The following CDK5RAP1 variants were observed in gnomAD, a reference collection of about 807,000 sequenced individuals.
CDK5RAP1 encodes mitochondrial tRNA methylthiotransferase CDK5RAP1.
In CDK5RAP1, 62 loss-of-function variants were observed where a neutral mutation model predicts 64.5. That is an observed-to-expected ratio of 0.96 (90% CI 0.78 to 1.19). The LOEUF is 1.19. Among genes scored for constraint, CDK5RAP1 ranks in the 50% most tolerant of loss-of-function variants. CDK5RAP1 has a pLI of 0.00. For synonymous variants in CDK5RAP1, 250 were observed against 261.9 expected, an observed-to-expected ratio of 0.95 and a Z score of 0.44; for missense variants, 657 against 735.0, an observed-to-expected ratio of 0.89 and a Z score of 1.23.
Position 33,379,487 on chromosome 20 carries a change from G to A in CDK5RAP1, c.1081C>T (p.Pro361Ser), listed in dbSNP as rs1986472028. 6.2e-7 allele frequency: 1 copy of A among 1,613,498 alleles called. No individual in the cohort carries two copies. The highest frequency in any genetic ancestry group is 1.1e-5 in the South Asian group (1 of 91,064). Reference protein sequence around the residue: ...DPEMRIRFTSPHPKDFPDEVL... With the variant: ...DPEMRIRFTSSHPKDFPDEVL... ...TCATCAGGAAAATCCTTGGGGTGGG[G>A]AGAGGTAAAACGGATCCTCATTTCA... The change falls in exon 8 of 14, where the codon CCC becomes TCC. Residue 361 changes from proline (P) to serine (S), a missense_variant. Pro to Ser is a moderately conservative substitution (Grantham distance 74). Coordinates refer to ENST00000346416, the MANE Select transcript of CDK5RAP1 (RefSeq NM_016408.4).
intron 6 of CDK5RAP1, among the ~76,000 whole-genome samples, chr20:33,386,550 C>T (rs981028233): frequency 1.3e-5 from 2 of 152,158 alleles, no homozygotes; most frequent in African/African-American, 4.8e-5. Flanking sequence ...ACATTTCTCA[C>T]GCCTTCCTGA....
rs764405924 is a variant in CDK5RAP1 at position 33,379,618 on chromosome 20, C to G, written c.950G>C (p.Ser317Thr). ...ACGACTGAGATTGGTAGGCACTGCA[C>G]TGTTGAACTGGACCTCCGAATTGTC... ...FRDNSEVQFN[S>T]AVPTNLSRGF... is the part of the protein sequence containing the mutation. The change falls in exon 8 of 14, where the codon AGT becomes ACT. Residue 317 changes from serine (S) to threonine (T), a missense_variant. Ser to Thr is a moderately conservative substitution (Grantham distance 58). Transcript: ENST00000346416. 1 of 1,614,130 alleles carries G rather than the reference C, an allele frequency of 6.2e-7. No individual in the cohort carries two copies.
chr20:33,364,250 G>A (rs1200283062), intron 12 of CDK5RAP1, among the ~76,000 whole-genome samples: 7 of 148,514 alleles, frequency 4.7e-5, no homozygotes, highest in South Asian at 2.1e-4. Context: ...GTGCAGTGGC[G>A]CAATCTTGGC....
At chr20:33,368,765 G>A (rs1984472001) in intron 11 of CDK5RAP1, among the ~76,000 whole-genome samples, 1 of 152,088 alleles carries the variant, frequency 6.6e-6, no homozygotes, top group African/African-American at 2.4e-5. Flanking sequence ...CAGCTACTCG[G>A]GAGGCTGAGG....
chr20:33,368,193 A>G lies in CDK5RAP1; in HGVS notation c.1393-1185T>C, dbSNP rs567714830. Among the ~76,000 whole-genome samples, 9 of 152,308 alleles carry G rather than the reference A, an allele frequency of 5.9e-5. No homozygotes were observed. In the South Asian group the frequency reaches 1.2e-3, roughly 21 times the overall value. Reference sequence around the variant, plus strand: ...CCACTAGGTTCTTGATTAAGTTCCTATAACCTTAACCCTTAGGAATTAGGT... The same window carrying G: ...CCACTAGGTTCTTGATTAAGTTCCTGTAACCTTAACCCTTAGGAATTAGGT... On this transcript the variant is annotated intron_variant, in intron 11 of 13. Transcript: ENST00000346416.
Position 33,392,207 on chromosome 20 carries a change from T to C in CDK5RAP1, c.479A>G (p.His160Arg). The stretch of plus-strand genomic sequence containing the variant: ...CCTTGTCTTCAAGGCTTTAAGCTGA[T>C]GTAAACGGTTCCAGATGGTCTGCTC... ...KAEQTIWNRL[H>R]QLKALKTRRP... Residue 160 changes from histidine to arginine, a missense_variant, in exon 5 of 14, where the codon CAT (histidine) becomes CGT (arginine). Transcript: ENST00000346416. 1 of 1,614,052 alleles carries C rather than the reference T, an allele frequency of 6.2e-7. No homozygotes were observed. Among genetic ancestry groups the C allele is most frequent in the Non-Finnish European group, 8.5e-7 (1 of 1,179,914 alleles).
chr20:33,387,282 G>T, intron 6 of CDK5RAP1, 41 bp downstream of exon 6: 1 of 1,444,206 alleles, frequency 6.9e-7, no homozygotes, highest in Non-Finnish European at 9.6e-7. Flanking sequence ...AGTGTGAAAG[G>T]AGGAAGAGGC....
At chr20:33,391,168 C>A (rs1028095076) in intron 5 of CDK5RAP1, among the ~76,000 whole-genome samples, 4 of 145,644 alleles carry the variant, frequency 2.7e-5, no homozygotes, top group Admixed American at 7.2e-5. Flanking sequence ...GTGAGAGGAT[C>A]ATTTGAGCCC....
chr20:33,397,843 T>C (rs1381390040), intron 1 of CDK5RAP1, among the ~76,000 whole-genome samples: 1 of 151,942 alleles, frequency 6.6e-6, no homozygotes, highest in Non-Finnish European at 1.5e-5. Context: ...AATACAAAAG[T>C]TAGCCAGATG....
intron 12 of CDK5RAP1, among the ~76,000 whole-genome samples, chr20:33,365,597 T>TAAAAAA (rs11471267): frequency 1.3e-5 from 1 of 78,340 alleles, no homozygotes; most frequent in Non-Finnish European, 2.4e-5. Context: ...CTCTATAATG[T>TAAAAAA]AAAAAAAAAA....
At chr20:33,395,137 G>A (rs1412037809) in intron 2 of CDK5RAP1, 21 bp from the exon 3 acceptor site, 2 of 1,415,764 alleles carry the variant, frequency 1.4e-6, no homozygotes, top group Non-Finnish European at 2.0e-6. Flanking sequence ...AGGTTGGGGG[G>A]AATCCATGGT....
chr20:33,399,578 T>C (rs1390594955), intron 1 of CDK5RAP1, among the ~76,000 whole-genome samples: 1 of 152,236 alleles, frequency 6.6e-6, no homozygotes, highest in East Asian at 1.9e-4. Context: ...CATCTCCCAT[T>C]GTGGTAGCTG....
At chr20:33,395,404 T>C (rs532311257) in intron 2 of CDK5RAP1, among the ~76,000 whole-genome samples, 32 of 152,102 alleles carry the variant, frequency 2.1e-4, no homozygotes, top group African/African-American at 7.7e-4. Flanking sequence ...GCCCAGGAGT[T>C]TGAGACCAGC....
chr20:33,379,646 G>T lies in CDK5RAP1; in HGVS notation c.922C>A (p.Arg308=), dbSNP rs543689718. 11 of 1,613,906 alleles carry T rather than the reference G, an allele frequency of 6.8e-6. No homozygotes were observed. Among genetic ancestry groups the T allele is most frequent in the Non-Finnish European group, 9.3e-6 (11 of 1,179,964 alleles). Residue 308 remains arginine (R), a synonymous_variant, in exon 8 of 14, where the codon CGG becomes AGG. Transcript: ENST00000346416. ...TLLGQNVNSF[R]DNSEVQFNSA... Reference sequence around the variant, plus strand: ...TTGAACTGGACCTCCGAATTGTCCCGAAAACTATTAACATTCTGACCAAGA... The same window carrying T: ...TTGAACTGGACCTCCGAATTGTCCCTAAAACTATTAACATTCTGACCAAGA...
In CDK5RAP1 at chr20:33,389,686, G is replaced by A. The variant is rs577649097; in HGVS notation, c.545-2153C>T. On this transcript the variant is annotated intron_variant, in intron 5 of 13. Coordinates refer to ENST00000346416, the MANE Select transcript of CDK5RAP1 (RefSeq NM_016408.4). ...AAGTGAGGAGCCCTTCTGCCCGGCC[G>A]CCACCCCGTCTGGGAGGTGTACACA... is the stretch of plus-strand genomic sequence containing the variant. 1.1e-4 allele frequency among the ~76,000 whole-genome samples: 16 copies of A among 152,216 alleles called. No homozygotes were observed. In the East Asian group the frequency reaches 1.2e-3, roughly 11 times the overall value.
chr20:33,391,625 C>G (rs1988335771), intron 5 of CDK5RAP1, among the ~76,000 whole-genome samples: 1 of 152,014 alleles, frequency 6.6e-6, no homozygotes, highest in Admixed American at 6.6e-5. Context: ...AGTTCGAGAC[C>G]AGCCTGACCA....
chr20:33,371,356 G>A (rs1984987959), intron 10 of CDK5RAP1, among the ~76,000 whole-genome samples: 1 of 152,176 alleles, frequency 6.6e-6, no homozygotes, highest in African/African-American at 2.4e-5. Context: ...TTTTACAGAT[G>A]AGAAAGCTGC....
At position 33,360,381 on chromosome 20, in the gene CDK5RAP1, T is replaced by G. The variant is rs1432979625; in HGVS notation, c.1653A>C (p.Arg551Ser). ...EDVNNPGLRV[R>S]AQPGDYVLVK... ...CCAGCACATAGTCCCCAGGCTGGGC[T>G]CTGACCCTGAGCCCAGGGTTATTGA... The change falls in exon 13 of 14, where the codon AGA becomes AGC. Residue 551 changes from arginine (R) to serine (S), a missense_variant. Coordinates refer to ENST00000346416, the MANE Select transcript of CDK5RAP1 (RefSeq NM_016408.4). 6.2e-7 allele frequency: 1 copy of G among 1,614,050 alleles called. No homozygotes were observed. The highest frequency in any genetic ancestry group is 1.7e-5 in the Admixed American group (1 of 60,014).
rs931552759 is a variant in CDK5RAP1, at chr20:33,358,881, C to T, written c.*162G>A. Reference sequence around the variant, plus strand: ...AAATTTAATGACTGTAAAAGCTGTTCACATAGCAGCTTTAAAGAGACACGT... The same window carrying T: ...AAATTTAATGACTGTAAAAGCTGTTTACATAGCAGCTTTAAAGAGACACGT... On this transcript the variant is annotated 3_prime_UTR_variant, in exon 14 of 14. Coordinates refer to ENST00000346416, the MANE Select transcript of CDK5RAP1 (RefSeq NM_016408.4). 1.7e-6 allele frequency: 1 copy of T among 600,100 alleles called. No individual in the cohort carries two copies. Among genetic ancestry groups the T allele is most frequent in the Admixed American group, 3.0e-5 (1 of 33,324 alleles). 37.2% of individuals were successfully genotyped at this position (600,100 alleles called of 1,614,324 possible).
Sources: allele counts gnomAD v4.1 joint callset (sites outside exome capture counted in the v4.1 genomes callset), GRCh38; gene constraint gnomAD v4.1.1; transcripts MANE v1.5; gene names NCBI Gene and HGNC (gene_info 2026-07-23, HGNC 2026-07-21).